Variants in PXDNL observed in about 807,000 individuals in gnomAD.
PXDNL encodes the protein probable oxidoreductase PXDNL.
A neutral mutation model predicts 150.8 loss-of-function variants in PXDNL; 145 were observed. The observed-to-expected ratio is 0.96, with a 90% CI of 0.84 to 1.10. The LOEUF (loss-of-function observed/expected upper bound fraction) is 1.10. PXDNL is among the 50% of genes least tolerant of loss of function. The probability of loss-of-function intolerance (pLI) is 0.00; values close to 1 mark genes in which losing one functional copy is unlikely to be tolerated. For missense variants in PXDNL, 2,087 were observed against 1,873.9 expected (o/e 1.11, Z -2.10); for synonymous variants, 757 against 725.7 (o/e 1.04, Z -0.69).
At chr8:51,448,265 A>T (rs1463670410) in intron 11 of PXDNL, among the ~76,000 whole-genome samples, 1 of 152,168 alleles carries the variant, frequency 6.6e-6, no homozygotes. Context: ...AGGGGGTTAG[A>T]TCCTGCCTGC....
chr8:51,655,402 G>T (rs926783210), intron 1 of PXDNL, among the ~76,000 whole-genome samples: 2 of 152,122 alleles, frequency 1.3e-5, no homozygotes, highest in African/African-American at 2.4e-5. Context: ...GCAAGATAGG[G>T]TCCCTGCTAC....
At chr8:51,702,312 T>C (rs1816273339) in intron 1 of PXDNL, among the ~76,000 whole-genome samples, 1 of 152,176 alleles carries the variant, frequency 6.6e-6, no homozygotes, top group Non-Finnish European at 1.5e-5. Flanking sequence ...ATGCTGGAAC[T>C]GAGAGCTGAA....
chr8:51,683,681 T>A (rs1468579874), intron 1 of PXDNL, among the ~76,000 whole-genome samples: 2 of 152,120 alleles, frequency 1.3e-5, no homozygotes, highest in Non-Finnish European at 2.9e-5. Context: ...TTTCTTGTCT[T>A]CTCCTCTAAG....
intron 1 of PXDNL, among the ~76,000 whole-genome samples, chr8:51,751,024 C>T (rs2037040767): frequency 6.6e-6 from 1 of 151,958 alleles, no homozygotes; most frequent in Admixed American, 6.6e-5. Flanking sequence ...AGAGAAAATG[C>T]CAGTTATTTT....
intron 2 of PXDNL, among the ~76,000 whole-genome samples, chr8:51,599,290 G>T (rs912994628): frequency 4.0e-5 from 6 of 151,772 alleles, no homozygotes; most frequent in Non-Finnish European, 1.5e-5. Context: ...GGGTTAGTTT[G>T]TTCTTGTTTT....
intron 17 of PXDNL, among the ~76,000 whole-genome samples, chr8:51,392,731 T>A (rs1807951684): frequency 1.3e-5 from 2 of 152,272 alleles, no homozygotes; most frequent in South Asian, 4.1e-4. Flanking sequence ...TACCCTTTAT[T>A]TCCTTCTCCT....
chr8:51,717,685 G>A (rs1042545654), intron 1 of PXDNL, among the ~76,000 whole-genome samples: 3 of 152,240 alleles, frequency 2.0e-5, no homozygotes, highest in Non-Finnish European at 4.4e-5. Flanking sequence ...GGAATCAGAG[G>A]AGGGGCTCAG....
chr8:51,391,191 G>T (rs531804913), intron 17 of PXDNL, among the ~76,000 whole-genome samples: 1 of 152,116 alleles, frequency 6.6e-6, no homozygotes, highest in African/African-American at 2.4e-5. Flanking sequence ...GAATAGTGCC[G>T]CAATAAACAT....
intron 5 of PXDNL, among the ~76,000 whole-genome samples, chr8:51,498,597 T>C (rs935055726): frequency 6.6e-6 from 1 of 152,170 alleles, no homozygotes; most frequent in Non-Finnish European, 1.5e-5. Flanking sequence ...ACAACATTCA[T>C]CTGGAAAAGT....
chr8:51,393,236 A>T (rs186103341), intron 17 of PXDNL, among the ~76,000 whole-genome samples: 1 of 152,240 alleles, frequency 6.6e-6, no homozygotes, highest in African/African-American at 2.4e-5. Flanking sequence ...ATTCACTTAC[A>T]CATGGCACTC....
At chr8:51,472,353 G>A (rs943654798) in intron 7 of PXDNL, 49 bp from the exon 8 acceptor site, 2 of 1,406,132 alleles carry the variant, frequency 1.4e-6, no homozygotes, top group South Asian at 1.2e-5. Flanking sequence ...CAAAATTATG[G>A]CCTTCCAAGA....
At chr8:51,582,248 T>C (rs1261783600) in intron 3 of PXDNL, among the ~76,000 whole-genome samples, 1 of 152,084 alleles carries the variant, frequency 6.6e-6, no homozygotes, top group Non-Finnish European at 1.5e-5. Flanking sequence ...GGTGGCTGTC[T>C]GCAAGGAAGA....
intron 4 of PXDNL, among the ~76,000 whole-genome samples, chr8:51,503,321 G>T (rs1442367341): frequency 6.6e-6 from 1 of 152,190 alleles, no homozygotes; most frequent in Admixed American, 6.5e-5. Flanking sequence ...AACCCAGAGA[G>T]TTCTGTTGAT....
chr8:51,592,846 C>CT (rs1378484495), intron 2 of PXDNL, 148 bp from the exon 3 acceptor site: 9 of 500,436 alleles, frequency 1.8e-5, no homozygotes, highest in Admixed American at 4.1e-5. Flanking sequence ...ACTTTAATTC[C>CT]CTATTCAAAA....
intron 1 of PXDNL, among the ~76,000 whole-genome samples, chr8:51,768,499 G>C (rs1346135451): frequency 3.3e-5 from 5 of 152,080 alleles, no homozygotes; most frequent in African/African-American, 1.2e-4. Flanking sequence ...GTTTATATAT[G>C]AGTGAAACTT....
intron 1 of PXDNL, among the ~76,000 whole-genome samples, chr8:51,774,633 A>C (rs906316230): frequency 1.3e-5 from 2 of 152,078 alleles, no homozygotes; most frequent in Non-Finnish European, 2.9e-5. Context: ...CCTGGGTAAC[A>C]CAGTGAAACC....
rs149795750 is a variant in PXDNL, at chr8:51,656,541, A to T, written c.165-1781T>A. 3.0e-3 allele frequency among the ~76,000 whole-genome samples: 453 copies of T among 152,338 alleles called. 10 individuals are homozygous for T. The highest frequency in any genetic ancestry group is 0.025 in the Admixed American group (375 of 15,292). On this transcript the variant is annotated intron_variant, in intron 1 of 22. Transcript: ENST00000356297. Reference sequence around the variant, plus strand: ...AAACAGAAGCTAAAAATTAACAGTTATAGAAAGGGCTCTCCTCTTGCATTA... The same window carrying T: ...AAACAGAAGCTAAAAATTAACAGTTTTAGAAAGGGCTCTCCTCTTGCATTA...
chr8:51,708,812 C>T (rs1816437974), intron 1 of PXDNL, among the ~76,000 whole-genome samples: 1 of 150,562 alleles, frequency 6.6e-6, no homozygotes, highest in African/African-American at 2.4e-5. Context: ...TTCCATAGGA[C>T]GTTAGTTCAA....
intron 1 of PXDNL, among the ~76,000 whole-genome samples, chr8:51,777,739 C>T (rs1040543610): frequency 1.3e-5 from 2 of 152,068 alleles, no homozygotes; most frequent in African/African-American, 4.8e-5. Flanking sequence ...CCTGTCTCTA[C>T]TAAAAATACA....
Sources: allele counts gnomAD v4.1 joint callset (sites outside exome capture counted in the v4.1 genomes callset), GRCh38; gene constraint gnomAD v4.1.1; transcripts MANE v1.5; gene names NCBI Gene and HGNC (gene_info 2026-07-23, HGNC 2026-07-21).